The following RCSD1 variants were observed in gnomAD, a reference collection of about 807,000 sequenced individuals.
RCSD1 encodes the protein capZ-interacting protein.
RCSD1 carries 26 observed loss-of-function variants against 42.5 expected under a neutral mutation model. That is an observed-to-expected ratio of 0.61 (90% CI 0.45 to 0.85). The LOEUF (loss-of-function observed/expected upper bound fraction) is 0.85, where lower values mean the gene tolerates loss of function less well. Among genes scored for constraint, RCSD1 ranks in the 40% least tolerant of loss-of-function variants. RCSD1 has a pLI of 0.00. For missense variants in RCSD1, 571 were observed against 528.3 expected (o/e 1.08, Z -0.79); for synonymous variants, 220 against 212.2 (o/e 1.04, Z -0.32).
At chr1:167,633,354 C>T (rs556892761) in intron 1 of RCSD1, among the ~76,000 whole-genome samples, 1 of 152,198 alleles carries the variant, frequency 6.6e-6, no homozygotes, top group East Asian at 1.9e-4. Context: ...AGATTAGGTT[C>T]AGAAGAAGCC....
chr1:167,670,588 C>CA (rs1658783801), intron 1 of RCSD1, among the ~76,000 whole-genome samples: 1 of 152,238 alleles, frequency 6.6e-6, no homozygotes, highest in Admixed American at 6.5e-5. Context: ...CCTCTGCCAT[C>CA]ACCTTGTAAT....
chr1:167,703,434 G>A (rs535406366), intron 6 of RCSD1, among the ~76,000 whole-genome samples: 10 of 152,224 alleles, frequency 6.6e-5, no homozygotes, highest in Non-Finnish European at 1.3e-4. Context: ...CATGAGGATC[G>A]CTGGAGCCCA....
chr1:167,687,522 C>CAAAA (rs111700732), intron 3 of RCSD1, among the ~76,000 whole-genome samples: 3 of 88,532 alleles, frequency 3.4e-5, no homozygotes, highest in African/African-American at 1.0e-4. Context: ...GACTCCGTCT[C>CAAAA]AAAAAAAAAA....
At chr1:167,696,387 T>A (rs989422624) in intron 5 of RCSD1, among the ~76,000 whole-genome samples, 3 of 151,990 alleles carry the variant, frequency 2.0e-5, no homozygotes, top group African/African-American at 7.2e-5. Context: ...TGAGGAAACT[T>A]GTAAGATGGT....
At chr1:167,678,653 C>T (rs1197210096) in intron 1 of RCSD1, among the ~76,000 whole-genome samples, 1 of 152,184 alleles carries the variant, frequency 6.6e-6, no homozygotes, top group East Asian at 1.9e-4. Context: ...CCACAGACAG[C>T]TCCTTGATGC....
chr1:167,688,661 G>C (rs1359203608), intron 3 of RCSD1, among the ~76,000 whole-genome samples: 1 of 152,244 alleles, frequency 6.6e-6, no homozygotes, highest in Admixed American at 6.5e-5. Flanking sequence ...GTGTTGGGCT[G>C]TAAAAAGATC....
chr1:167,649,551 A>G (rs1658251926), intron 1 of RCSD1, among the ~76,000 whole-genome samples: 2 of 152,208 alleles, frequency 1.3e-5, no homozygotes, highest in South Asian at 2.1e-4. Context: ...AGAAAGTTAC[A>G]TAACCAGACT....
rs758764426 is a variant in RCSD1 at position 167,685,453 on chromosome 1, G to T, written c.141G>T (p.Pro47=). 2 of 1,613,514 alleles carry T rather than the reference G, an allele frequency of 1.2e-6. No individual in the cohort carries two copies. Among genetic ancestry groups the T allele is most frequent in the Non-Finnish European group, 1.7e-6 (2 of 1,179,846 alleles). Residue 47 remains proline, a synonymous_variant, in exon 3 of 7, where the codon CCG becomes CCT. Transcript: ENST00000367854. ...CCAGTAAACCAACCCGAAGGAAACC[G>T]CCCTGTTCCCTCCCCCTGTTCCCCC... is the stretch of plus-strand genomic sequence containing the variant. The part of the protein sequence containing the change: ...TPASKPTRRK[P]PCSLPLFPPK...
At chr1:167,646,523 CTTT>C (rs1658152148) in intron 1 of RCSD1, among the ~76,000 whole-genome samples, 2 of 141,268 alleles carry the variant, frequency 1.4e-5, no homozygotes, top group African/African-American at 5.1e-5. Flanking sequence ...TTTTCTTTTT[CTTT>C]TTCTTTTTAT....
chr1:167,649,994 G>A (rs1571677427), intron 1 of RCSD1, among the ~76,000 whole-genome samples: 1 of 152,190 alleles, frequency 6.6e-6, no homozygotes, highest in South Asian at 2.1e-4. Flanking sequence ...CACGTTGCAG[G>A]AGGAAGCTAG....
At chr1:167,663,175 C>A (rs1658577434) in intron 1 of RCSD1, among the ~76,000 whole-genome samples, 1 of 152,196 alleles carries the variant, frequency 6.6e-6, no homozygotes, top group Non-Finnish European at 1.5e-5. Flanking sequence ...AGAGACTTAA[C>A]CCCGTAGTCC....
In RCSD1 at chr1:167,704,743, T is replaced by A; in HGVS notation, c.*47T>A. 4 of 1,584,838 alleles carry A rather than the reference T, an allele frequency of 2.5e-6. No individual in the cohort carries two copies. Among genetic ancestry groups the A allele is most frequent in the Non-Finnish European group, 3.5e-6 (4 of 1,155,060 alleles). ...GTGATGAAGTTGCTGGACACATCTC[T>A]TTGCAGGTAGCAGCAACAGTTGTAG... On this transcript the variant is annotated 3_prime_UTR_variant, in exon 7 of 7. Coordinates refer to ENST00000367854, the MANE Select transcript of RCSD1 (RefSeq NM_052862.4).
intron 6 of RCSD1, among the ~76,000 whole-genome samples, chr1:167,699,272 A>C (rs1257664491): frequency 1.3e-5 from 2 of 152,232 alleles, no homozygotes; most frequent in Non-Finnish European, 2.9e-5. Context: ...TTGGTGGCTC[A>C]AAACAATAGA....
chr1:167,697,019 G>GGTGGTCGCCGT, intron 5 of RCSD1, 80 bp from the exon 6 acceptor site: 2 of 1,325,660 alleles, frequency 1.5e-6, no homozygotes, highest in Non-Finnish European at 2.1e-6. Context: ...GCACCAGACT[G>GGTGGTCGCCGT]ACATTGAAAG....
At position 167,667,324 on chromosome 1, in the gene RCSD1, G is replaced by A. The variant is rs543225931; in HGVS notation, c.7-16576G>A. On this transcript the variant is annotated intron_variant, in intron 1 of 6. Coordinates refer to ENST00000367854, the MANE Select transcript of RCSD1 (RefSeq NM_052862.4). ...GTGACTGAAGGCAGATACTGAGACCGGACCAGAGATGTGGACTTCAGAACT... is the reference window on the plus strand; with the variant it reads ...GTGACTGAAGGCAGATACTGAGACCAGACCAGAGATGTGGACTTCAGAACT... Among the ~76,000 whole-genome samples the A allele has an allele frequency of 2.2e-3, 336 of 152,294 alleles. 1 individual carries two copies. Among genetic ancestry groups the A allele is most frequent in the African/African-American group, 7.7e-3 (318 of 41,562 alleles).
chr1:167,698,839 G>A (rs1273462476), intron 6 of RCSD1, among the ~76,000 whole-genome samples: 3 of 150,462 alleles, frequency 2.0e-5, no homozygotes, highest in South Asian at 2.1e-4. Flanking sequence ...TCGCTGTGTC[G>A]CCCAGGCTGG....
chr1:167,652,366 G>A (rs1017606940), intron 1 of RCSD1, among the ~76,000 whole-genome samples: 10 of 152,058 alleles, frequency 6.6e-5, no homozygotes, highest in African/African-American at 2.2e-4. Flanking sequence ...TCCCCTCTTA[G>A]CATCTAGCCT....
At chr1:167,640,223 G>A (rs1254628183) in intron 1 of RCSD1, among the ~76,000 whole-genome samples, 2 of 152,162 alleles carry the variant, frequency 1.3e-5, no homozygotes. Context: ...CTCCTTTCAT[G>A]GTTCTGGAGG....
At chr1:167,672,419 G>A (rs1658831960) in intron 1 of RCSD1, among the ~76,000 whole-genome samples, 1 of 152,186 alleles carries the variant, frequency 6.6e-6, no homozygotes, top group African/African-American at 2.4e-5. Flanking sequence ...AAAAGCTCAA[G>A]ATGGACTAAA....
Sources: gnomAD v4.1 joint callset for allele counts (sites outside exome capture counted in the v4.1 genomes callset) on GRCh38, gnomAD v4.1.1 for gene constraint, MANE v1.5 for transcripts, NCBI Gene and HGNC (gene_info 2026-07-23, HGNC 2026-07-21) for gene names.